Variants in TFB2M observed in about 807,000 individuals in gnomAD.
TFB2M encodes transcription factor B2, mitochondrial, also known as dimethyladenosine transferase 2, mitochondrial.
In TFB2M, 44 loss-of-function variants were observed where a neutral mutation model predicts 41.3. That is an observed-to-expected ratio of 1.07 (90% confidence interval 0.84 to 1.37). The LOEUF (loss-of-function observed/expected upper bound fraction) is 1.37, where lower values mean the gene tolerates loss of function less well. Among genes scored for constraint, TFB2M ranks in the 40% most tolerant of loss-of-function variants. The pLI is 0.00. For missense variants in TFB2M, 496 were observed against 490.2 expected (o/e 1.01, Z -0.11); for synonymous variants, 188 against 176.8 (o/e 1.06, Z -0.50).
At chr1:246,541,318 T>A in intron 7 of TFB2M, 116 bp from the exon 8 acceptor site, 1 of 955,042 alleles carries the variant, frequency 1.0e-6, no homozygotes, top group Non-Finnish European at 1.5e-6. Context: ...GCATACAGAG[T>A]GCTATAATGG....
intron 2 of TFB2M, among the ~76,000 whole-genome samples, chr1:246,563,898 C>G (rs1342341109): frequency 1.3e-5 from 2 of 152,176 alleles, no homozygotes; most frequent in Non-Finnish European, 2.9e-5. Context: ...GTTGTGTTCC[C>G]AAGCATTTCA....
At chr1:246,544,704 T>G in intron 6 of TFB2M, 23 bp from the exon 7 acceptor site, 4 of 1,572,482 alleles carry the variant, frequency 2.5e-6, no homozygotes, top group Non-Finnish European at 2.6e-6. Context: ...AAAAATGAAT[T>G]GCATTAGTCA....
At chr1:246,561,039 CTT>C (rs970105123) in intron 2 of TFB2M, among the ~76,000 whole-genome samples, 5 of 152,192 alleles carry the variant, frequency 3.3e-5, no homozygotes, top group Non-Finnish European at 5.9e-5. Flanking sequence ...CAGGAACAAA[CTT>C]TAGGTGGCCA....
Position 246,556,680 on chromosome 1 carries a change from C to A in TFB2M, c.598G>T (p.Glu200Ter). Residue 200 changes from glutamate to a stop codon, truncating the protein, a stop_gained, in exon 4 of 8, where the codon GAG becomes TAG. Transcript: ENST00000366514. LOFTEE classifies it high-confidence loss of function. ...KVVGMFPSRG[E>*]KRALWKLAYD... ...GCGAGTTTCCAAAGTGCCCTTTTCTCACCTCTACTTGGGAACATTCCAACT... is the reference window on the plus strand; with the variant it reads ...GCGAGTTTCCAAAGTGCCCTTTTCTAACCTCTACTTGGGAACATTCCAACT... 1 of 1,583,102 alleles carries A rather than the reference C, an allele frequency of 6.3e-7. No homozygotes were observed. The highest frequency in any genetic ancestry group is 8.5e-7 in the Non-Finnish European group (1 of 1,170,688).
chr1:246,565,555 T>C (rs1219880596), intron 1 of TFB2M, among the ~76,000 whole-genome samples: 1 of 151,736 alleles, frequency 6.6e-6, no homozygotes, highest in Non-Finnish European at 1.5e-5. Flanking sequence ...CTAGTAAAAA[T>C]AAGAAAATTA....
rs376788157 is a variant in TFB2M at position 246,541,227 on chromosome 1, G to A, written c.1020-25C>T. The A allele has an allele frequency of 3.1e-6, 5 of 1,605,294 alleles. No homozygotes were observed. In the African/African-American group the frequency reaches 5.4e-5, roughly 17 times the overall value. The stretch of plus-strand genomic sequence containing the variant: ...ACTGCAAAAGAAATACAAAGTAAAT[G>A]TACTTAATTCTTTCTCATGCATCTA... On this transcript the variant is annotated intron_variant, in intron 7 of 7. Coordinates refer to ENST00000366514, the MANE Select transcript of TFB2M (RefSeq NM_022366.3).
At chr1:246,543,869 A>G (rs1658928584) in intron 7 of TFB2M, among the ~76,000 whole-genome samples, 1 of 150,424 alleles carries the variant, frequency 6.6e-6, no homozygotes, top group Non-Finnish European at 1.5e-5. Context: ...GCATGCTTGT[A>G]GTCCCAGCTA....
At chr1:246,565,390 C>A (rs1322692097) in intron 1 of TFB2M, among the ~76,000 whole-genome samples, 2 of 152,190 alleles carry the variant, frequency 1.3e-5, no homozygotes, top group Non-Finnish European at 2.9e-5. Context: ...ATGTAGTGGG[C>A]AATCTCTCCA....
intron 6 of TFB2M, among the ~76,000 whole-genome samples, chr1:246,548,160 T>A (rs941544855): frequency 6.6e-6 from 1 of 152,112 alleles, no homozygotes; most frequent in Admixed American, 6.5e-5. Flanking sequence ...TTGGCCAGGG[T>A]GGTCCCGATC....
In TFB2M at chr1:246,559,340, G is replaced by A. The variant is rs183411562; in HGVS notation, c.403-1806C>T. ...AAAGAGGGCGGATCACACAAGGTCA[G>A]GAGTTTGAGATGAGCACGGCCAACA... On this transcript the variant is annotated intron_variant, in intron 2 of 7. Coordinates refer to ENST00000366514, the MANE Select transcript of TFB2M (RefSeq NM_022366.3). 3.5e-3 allele frequency among the ~76,000 whole-genome samples: 532 copies of A among 152,300 alleles called. 2 individuals are homozygous for A. The highest frequency in any genetic ancestry group is 0.012 in the African/African-American group (512 of 41,564).
At chr1:246,543,408 G>A (rs112769970) in intron 7 of TFB2M, among the ~76,000 whole-genome samples, 2,128 of 152,038 alleles carry the variant, frequency 0.014, 20 homozygotes, top group Middle Eastern at 0.024. Context: ...ATGGCTGGGC[G>A]CGGGAGCTCA....
chr1:246,548,469 C>G, intron 6 of TFB2M, 76 bp downstream of exon 6: 1 of 1,288,962 alleles, frequency 7.8e-7, no homozygotes, highest in Non-Finnish European at 1.1e-6. Context: ...TACAGACTAC[C>G]AAATAGTCCT....
At chr1:246,564,487 T>C (rs1659542134) in intron 1 of TFB2M, 53 bp from the exon 2 acceptor site, 1 of 1,517,970 alleles carries the variant, frequency 6.6e-7, no homozygotes, top group African/African-American at 1.4e-5. Flanking sequence ...ATAATCTCTT[T>C]CAATACCAAA....
chr1:246,564,084 T>A (rs1233236934), intron 2 of TFB2M, among the ~76,000 whole-genome samples: 2 of 152,216 alleles, frequency 1.3e-5, no homozygotes. Context: ...GGGATGCCAG[T>A]TATACGCTTT....
intron 4 of TFB2M, among the ~76,000 whole-genome samples, chr1:246,553,078 T>C (rs1367427918): frequency 6.6e-6 from 1 of 151,952 alleles, no homozygotes; most frequent in Admixed American, 6.6e-5. Context: ...AAAAAGTAGC[T>C]GGGCATGGTG....
intron 6 of TFB2M, among the ~76,000 whole-genome samples, chr1:246,546,617 A>T (rs1199224491): frequency 6.7e-6 from 1 of 148,776 alleles, no homozygotes; most frequent in Admixed American, 6.7e-5. Flanking sequence ...TTGCCTCAAA[A>T]AAATAAATAA....
chr1:246,544,399 A>G, intron 7 of TFB2M, 122 bp downstream of exon 7: 1 of 895,340 alleles, frequency 1.1e-6, no homozygotes, highest in Non-Finnish European at 1.7e-6. Context: ...TATTTTGAAG[A>G]AATATGAGGG....
chr1:246,552,806 G>A (rs1446084400), intron 4 of TFB2M, among the ~76,000 whole-genome samples: 1 of 152,026 alleles, frequency 6.6e-6, no homozygotes, highest in African/African-American at 2.4e-5. Context: ...GAGTATGGTA[G>A]CTCACACTTG....
Position 246,551,294 on chromosome 1 carries a change from C to G in TFB2M, c.714G>C (p.Met238Ile). 6.2e-7 allele frequency: 1 copy of G among 1,610,304 alleles called. No homozygotes were observed. Among genetic ancestry groups the G allele is most frequent in the Non-Finnish European group, 8.5e-7 (1 of 1,176,636 alleles). Residue 238 changes from methionine to isoleucine, a missense_variant, in exon 5 of 8, where the codon ATG becomes ATC. Coordinates refer to ENST00000366514, the MANE Select transcript of TFB2M (RefSeq NM_022366.3). ...FIGEKEFQKL[M>I]ADPGNPDLYH... ...ACAAGTCTGGATTTCCGGGATCTGC[C>G]ATTAGTTTCTAGTAAAAGGAAAATA...
Sources: allele counts gnomAD v4.1 joint callset (sites outside exome capture counted in the v4.1 genomes callset), GRCh38; gene constraint gnomAD v4.1.1; transcripts MANE v1.5; gene names NCBI Gene and HGNC (gene_info 2026-07-23, HGNC 2026-07-21).